The following SPECC1 variants were observed in gnomAD, a reference collection of about 807,000 sequenced individuals.
SPECC1 encodes the protein sperm antigen with calponin homology and coiled-coil domains 1, also known as cytospin-B.
SPECC1 carries 62 observed loss-of-function variants against 104.1 expected under a neutral mutation model. That is an observed-to-expected ratio of 0.60 (90% confidence interval 0.49 to 0.74). The LOEUF (loss-of-function observed/expected upper bound fraction) is 0.74, where lower values mean the gene tolerates loss of function less well. SPECC1 is among the 30% of genes least tolerant of loss of function. The pLI is 0.00. For synonymous variants in SPECC1, 513 were observed against 501.6 expected, an observed-to-expected ratio of 1.02 and a Z score of -0.30; for missense variants, 1,306 against 1,310.5, an observed-to-expected ratio of 1.00 and a Z score of 0.05.
At chr17:20,013,797 C>G (rs1200324248) in intron 1 of SPECC1, among the ~76,000 whole-genome samples, 1 of 152,158 alleles carries the variant, frequency 6.6e-6, no homozygotes, top group African/African-American at 2.4e-5. Context: ...ACCACTGTGC[C>G]GAGCTGGTTC....
chr17:20,140,371 T>G (rs1025288387), intron 3 of SPECC1, among the ~76,000 whole-genome samples: 25 of 152,216 alleles, frequency 1.6e-4, no homozygotes, highest in African/African-American at 5.8e-4. Flanking sequence ...AAGAGGAAGA[T>G]TGGATACTGA....
At chr17:20,287,249 C>G (rs1015503183) in intron 12 of SPECC1, among the ~76,000 whole-genome samples, 1 of 152,038 alleles carries the variant, frequency 6.6e-6, no homozygotes, top group Non-Finnish European at 1.5e-5. Context: ...AACCCCGTCT[C>G]TACGAAAAAT....
At chr17:20,206,215 G>T (rs1465888512) in intron 4 of SPECC1, among the ~76,000 whole-genome samples, 1 of 152,216 alleles carries the variant, frequency 6.6e-6, no homozygotes, top group Non-Finnish European at 1.5e-5. Context: ...TAGTGCAAAG[G>T]AGGGGCATCT....
chr17:20,129,834 A>G (rs1053273465), intron 3 of SPECC1, among the ~76,000 whole-genome samples: 1 of 151,810 alleles, frequency 6.6e-6, no homozygotes, highest in Non-Finnish European at 1.5e-5. Context: ...GCTCACTGCA[A>G]CCTCTGCCTC....
At chr17:20,208,419 A>G (rs2036922051) in intron 4 of SPECC1, among the ~76,000 whole-genome samples, 1 of 152,262 alleles carries the variant, frequency 6.6e-6, no homozygotes, top group African/African-American at 2.4e-5. Context: ...AAAGCAAAAC[A>G]TAGACCTCCT....
intron 2 of SPECC1, among the ~76,000 whole-genome samples, chr17:20,101,838 C>T (rs1567843718): frequency 6.6e-6 from 1 of 152,216 alleles, no homozygotes; most frequent in Non-Finnish European, 1.5e-5. Context: ...CGGTGTCCAA[C>T]CATAACATGT....
intron 3 of SPECC1, among the ~76,000 whole-genome samples, chr17:20,161,737 C>T (rs1009640459): frequency 1.3e-5 from 2 of 150,744 alleles, no homozygotes; most frequent in African/African-American, 4.9e-5. Context: ...TTTCTTTTTT[C>T]TTAAAAACAA....
At chr17:20,081,305 T>C (rs1053819445) in intron 1 of SPECC1, among the ~76,000 whole-genome samples, 3 of 152,124 alleles carry the variant, frequency 2.0e-5, no homozygotes, top group Non-Finnish European at 2.9e-5. Context: ...AGGAGGTGCT[T>C]CCAGAATGAT....
At chr17:20,140,619 C>A (rs1046411090) in intron 3 of SPECC1, among the ~76,000 whole-genome samples, 3 of 152,166 alleles carry the variant, frequency 2.0e-5, no homozygotes, top group African/African-American at 7.2e-5. Flanking sequence ...ATGAAGACAA[C>A]CCACATGATG....
At chr17:20,171,351 G>T (rs888920677) in intron 3 of SPECC1, among the ~76,000 whole-genome samples, 1 of 152,124 alleles carries the variant, frequency 6.6e-6, no homozygotes, top group South Asian at 2.1e-4. Flanking sequence ...AATCATAAGG[G>T]AAAGAAGAAA....
chr17:20,113,255 C>T (rs2048583676), intron 3 of SPECC1, among the ~76,000 whole-genome samples: 1 of 151,884 alleles, frequency 6.6e-6, no homozygotes, highest in Non-Finnish European at 1.5e-5. Context: ...GGGGGTTTAC[C>T]TGGTTTTATG....
At chr17:20,079,600 A>C (rs996229333) in intron 1 of SPECC1, among the ~76,000 whole-genome samples, 9 of 152,280 alleles carry the variant, frequency 5.9e-5, no homozygotes, top group Middle Eastern at 3.4e-3. Flanking sequence ...TCTCTAGTTT[A>C]AAAGATTGTC....
chr17:20,290,831 A>G (rs2041140103), intron 12 of SPECC1, among the ~76,000 whole-genome samples: 1 of 152,190 alleles, frequency 6.6e-6, no homozygotes, highest in South Asian at 2.1e-4. Flanking sequence ...GTGTTCAATG[A>G]ACTAGCATAT....
chr17:20,256,860 GA>G (rs1259802948), intron 10 of SPECC1, among the ~76,000 whole-genome samples: 1 of 152,160 alleles, frequency 6.6e-6, no homozygotes, highest in Admixed American at 6.5e-5. Context: ...AAGAGAAAAA[GA>G]AAAACAAGTA....
In SPECC1 at chr17:20,253,656, C is replaced by T. The variant is rs1222544732; in HGVS notation, c.2680+70C>T. 5.6e-6 allele frequency: 8 copies of T among 1,417,412 alleles called. No homozygotes were observed. In the East Asian group the frequency reaches 1.9e-4, roughly 33 times the overall value. 87.8% of individuals were successfully genotyped at this position (1,417,412 alleles called of 1,614,324 possible). On this transcript the variant is annotated intron_variant, in intron 10 of 14. Transcript: ENST00000395527. ...CAGTTAACTTTTCTTCATTTCTCTG[C>T]ATGAAACTGAGCTTAGAAAAATAAT...
intron 1 of SPECC1, among the ~76,000 whole-genome samples, chr17:20,041,385 G>C (rs1447948423): frequency 6.6e-6 from 1 of 151,860 alleles, no homozygotes; most frequent in South Asian, 2.1e-4. Context: ...TAGGATTACA[G>C]GCATGTGCCA....
intron 4 of SPECC1, 25 bp downstream of exon 4, chr17:20,205,937 G>A: frequency 6.3e-7 from 1 of 1,583,474 alleles, no homozygotes; most frequent in South Asian, 1.2e-5. Flanking sequence ...CTCTTTACTG[G>A]TATTTGCTCA....
intron 1 of SPECC1, among the ~76,000 whole-genome samples, chr17:20,051,947 C>T (rs760115796): frequency 5.3e-5 from 8 of 152,178 alleles, no homozygotes; most frequent in Non-Finnish European, 1.0e-4. Flanking sequence ...ATTACCTAAC[C>T]TCTCTGACCC....
chr17:20,296,440 G>C (rs910987099), intron 12 of SPECC1, among the ~76,000 whole-genome samples: 1 of 152,200 alleles, frequency 6.6e-6, no homozygotes, highest in Non-Finnish European at 1.5e-5. Context: ...AGTATAGTTT[G>C]AAGTCAGGTA....
Sources: gnomAD v4.1 joint callset for allele counts (sites outside exome capture counted in the v4.1 genomes callset) on GRCh38, gnomAD v4.1.1 for gene constraint, MANE v1.5 for transcripts, NCBI Gene and HGNC (gene_info 2026-07-23, HGNC 2026-07-21) for gene names.